The following ASB6 variants were observed in gnomAD, a reference collection of about 807,000 sequenced individuals.
ASB6 encodes ankyrin repeat and SOCS box containing 6, also known as ankyrin repeat and SOCS box protein 6.
ASB6 carries 24 observed loss-of-function variants against 28.6 expected under a neutral mutation model. That is an observed-to-expected ratio of 0.84 (90% CI 0.61 to 1.18). The LOEUF is 1.18. ASB6 is among the 50% of genes most tolerant of loss of function. ASB6 has a pLI of 0.00. For synonymous variants in ASB6, 267 were observed against 243.4 expected, an observed-to-expected ratio of 1.10 and a Z score of -0.90; for missense variants, 519 against 559.8, an observed-to-expected ratio of 0.93 and a Z score of 0.74.
In ASB6 at chr9:129,634,870, T is replaced by C. The variant is rs1831431075; in HGVS notation, c.*2920A>G. On this transcript the variant is annotated 3_prime_UTR_variant, in exon 6 of 6. Coordinates refer to ENST00000277458, the MANE Select transcript of ASB6 (RefSeq NM_017873.4). ...GGAAGGCAGTCTCTCTGGGAGCTCC[T>C]GCAATGCCAAACTCTTAGCCCAGGT... 2 of 318,958 alleles carry C rather than the reference T, an allele frequency of 6.3e-6. No homozygotes were observed. The highest frequency in any genetic ancestry group is 1.2e-5 in the Non-Finnish European group (2 of 169,084). 19.8% of individuals were successfully genotyped at this position (318,958 alleles called of 1,614,324 possible).
Position 129,640,666 on chromosome 9 carries a change from T to C in ASB6, c.170A>G (p.Glu57Gly). Residue 57 changes from glutamate to glycine, a missense_variant, in exon 2 of 6, where the codon GAG becomes GGG. By Grantham distance (98) the Glu-to-Gly change is moderately conservative. Transcript: ENST00000277458. ...SRILVLTELL[E>G]RKAHSPFYQE... ...GTAAAAGGGAGAGTGGGCTTTCCTC[T>C]CCAGCAGCTCAGTGAGAACAAGGAT... is the stretch of plus-strand genomic sequence containing the variant. 6.2e-7 allele frequency: 1 copy of C among 1,614,136 alleles called. No homozygotes were observed. Among genetic ancestry groups the C allele is most frequent in the Non-Finnish European group, 8.5e-7 (1 of 1,180,006 alleles).
At position 129,638,669 on chromosome 9, in the gene ASB6, G is replaced by A; in HGVS notation, c.512-10C>T. On this transcript the variant is annotated splice_polypyrimidine_tract_variant and intron_variant, in intron 4 of 5. Coordinates refer to ENST00000277458, the MANE Select transcript of ASB6 (RefSeq NM_017873.4). The stretch of plus-strand genomic sequence containing the variant: ...AGCAGAGCAGTTTTTCCTAGGGAGG[G>A]AGGGAGAGCAAGGAGGAGCAGGAGG... The A allele has an allele frequency of 6.2e-7, 1 of 1,609,124 alleles. No homozygotes were observed. The highest frequency in any genetic ancestry group is 1.3e-5 in the African/African-American group (1 of 74,266).
intron 2 of ASB6, among the ~76,000 whole-genome samples, chr9:129,640,191 G>GT (rs1172956296): frequency 1.3e-5 from 2 of 152,180 alleles, no homozygotes; most frequent in Admixed American, 6.5e-5. Flanking sequence ...TTGGCTCAGA[G>GT]TAAGTAGCAG....
chr9:129,641,598 G>GT (rs1342991993), intron 1 of ASB6, among the ~76,000 whole-genome samples: 20 of 152,220 alleles, frequency 1.3e-4, no homozygotes, highest in Non-Finnish European at 1.5e-5. Context: ...CTGCCACGCC[G>GT]GGGGGTGGCA....
chr9:129,634,838 A>C lies in ASB6; in HGVS notation c.*2952T>G. 1 of 268,444 alleles carries C rather than the reference A, an allele frequency of 3.7e-6. No homozygotes were observed. Among genetic ancestry groups the C allele is most frequent in the Non-Finnish European group, 7.2e-6 (1 of 138,430 alleles). The allele number at this position is 268,444 out of a possible 1,614,324, so 16.6% of individuals were successfully genotyped here. A position where few individuals can be genotyped will look rare whatever the true frequency, so the allele number is the denominator to read the frequency against. On this transcript the variant is annotated 3_prime_UTR_variant, in exon 6 of 6. Coordinates refer to ENST00000277458, the MANE Select transcript of ASB6 (RefSeq NM_017873.4). The stretch of plus-strand genomic sequence containing the variant: ...CTCAGAAGCCTTTGTGGGGACTTCT[A>C]GTGTAGGGAAGGCAGTCTCTCTGGG...
In ASB6 at chr9:129,634,746, C is replaced by T; in HGVS notation, c.*3044G>A. On this transcript the variant is annotated 3_prime_UTR_variant, in exon 6 of 6. Transcript: ENST00000277458. ...GCGGCAGGCCGCTAGCAGCAGTCGG[C>T]CACCTCCTGAGGCGGGCAGCACAGG... 9.2e-6 allele frequency: 2 copies of T among 218,138 alleles called. No homozygotes were observed. The highest frequency in any genetic ancestry group is 1.8e-5 in the Non-Finnish European group (2 of 109,494). The allele number at this position is 218,138 out of a possible 1,614,324, so 13.5% of individuals were successfully genotyped here. A position where few individuals can be genotyped will look rare whatever the true frequency, so the allele number is the denominator to read the frequency against.
In ASB6 at chr9:129,639,428, C is replaced by G. The variant is rs781128641; in HGVS notation, c.376G>C (p.Gly126Arg). ...CGGTCCCTCCGATTAACGTCGGCCC[C>G]GTGATGCACCAGCAGCTCCACCATG... ...PDMVELLVHH[G>R]ADVNRRDRIH... The change falls in exon 3 of 6, where the codon GGG becomes CGG. Residue 126 changes from glycine (G) to arginine (R), a missense_variant. Gly to Arg is a moderately radical substitution (Grantham distance 125). Coordinates refer to ENST00000277458, the MANE Select transcript of ASB6 (RefSeq NM_017873.4). The G allele has an allele frequency of 6.2e-7, 1 of 1,613,264 alleles. No homozygotes were observed. The highest frequency in any genetic ancestry group is 1.7e-5 in the Admixed American group (1 of 59,960).
At position 129,641,927 on chromosome 9, in the gene ASB6, G is replaced by A. The variant is rs1420208322; in HGVS notation, c.73C>T (p.Leu25=). Residue 25 remains leucine (L), a synonymous_variant, in exon 1 of 6, where the codon CTG becomes TTG. Coordinates refer to ENST00000277458, the MANE Select transcript of ASB6 (RefSeq NM_017873.4). ...QPLVDAILGS[L]GIQDPERQES... ...TGCCGCTCGGGGTCCTGGATCCCCA[G>A]GGAGCCCAGAATCGCATCCACCAGC... 1 of 1,602,486 alleles carries A rather than the reference G, an allele frequency of 6.2e-7. No homozygotes were observed. Among genetic ancestry groups the A allele is most frequent in the Admixed American group, 1.7e-5 (1 of 59,060 alleles).
chr9:129,639,122 G>A lies in ASB6; in HGVS notation c.511+80C>T, dbSNP rs1441860192. The A allele has an allele frequency of 4.3e-6, 6 of 1,394,590 alleles. No homozygotes were observed. The African/African-American group carries it at 7.2e-5, about 17-fold the overall frequency. The allele number at this position is 1,394,590 out of a possible 1,614,324, so 86.4% of individuals were successfully genotyped here. On this transcript the variant is annotated intron_variant, in intron 4 of 5. Coordinates refer to ENST00000277458, the MANE Select transcript of ASB6 (RefSeq NM_017873.4). ...CAGCATCCAGTCTGCCCACCTAGCT[G>A]TTGTCCTGGGGCACCCTGGGTGTCC...
rs769197764 is a variant in ASB6 at position 129,638,399 on chromosome 9, G to A, written c.657C>T (p.Phe219=). 6.2e-7 allele frequency: 1 copy of A among 1,613,830 alleles called. No individual in the cohort carries two copies. Among genetic ancestry groups the A allele is most frequent in the South Asian group, 1.1e-5 (1 of 91,088 alleles). Residue 219 remains phenylalanine, a synonymous_variant, in exon 6 of 6, where the codon TTC becomes TTT. Coordinates refer to ENST00000277458, the MANE Select transcript of ASB6 (RefSeq NM_017873.4). ...DGDTVFTCII[F]LLGETVGGDK... ...CCCCTCCCACGGTCTCACCAAGCAG[G>A]AAGATGATGCAGGTGAACACTGTGT...
At position 129,639,185 on chromosome 9, in the gene ASB6, CT is replaced by C. The variant is rs1252152052; in HGVS notation, c.511+16del. On this transcript the variant is annotated intron_variant, in intron 4 of 5. Transcript: ENST00000277458. Reference sequence around the variant, plus strand: ...CTGGGGGCCCAGCTGTCCTGCTTTCCTGCAGGAGGCACCCACCATGCTTGTC... The same window carrying C: ...CTGGGGGCCCAGCTGTCCTGCTTTCCGCAGGAGGCACCCACCATGCTTGTC... The C allele has an allele frequency of 6.3e-7, 1 of 1,590,576 alleles. No homozygotes were observed. The highest frequency in any genetic ancestry group is 1.1e-5 in the South Asian group (1 of 88,820).
Position 129,635,312 on chromosome 9 carries a change from G to A in ASB6, c.*2478C>T, listed in dbSNP as rs762218975. The A allele has an allele frequency of 6.2e-6, 10 of 1,613,740 alleles. No individual in the cohort carries two copies. The highest frequency in any genetic ancestry group is 5.0e-5 in the Admixed American group (3 of 60,014). ...CAAAGACAACATGGCCCAGGAGGGC[G>A]TGATTCTGGACGACGTGGACAGCAG... On this transcript the variant is annotated 3_prime_UTR_variant, in exon 6 of 6. Coordinates refer to ENST00000277458, the MANE Select transcript of ASB6 (RefSeq NM_017873.4).
rs151072869 is a variant in ASB6, at chr9:129,635,425, C to T, written c.*2365G>A. 328 of 1,613,386 alleles carry T rather than the reference C, an allele frequency of 2.0e-4. 1 individual carries two copies. The South Asian group carries it at 3.4e-3, about 17-fold the overall frequency. ...CCGAGGAGAGGCAGGAGAACCTCCC[C>T]GATGAGATCTACCATGTCTATAGCT... On this transcript the variant is annotated 3_prime_UTR_variant, in exon 6 of 6. Transcript: ENST00000277458.
rs377623356 is a variant in ASB6, at chr9:129,639,160, C to T, written c.511+42G>A. ...ACCCTGGGTGTCCCCCACAAGGTGC[C>T]TGGGGGCCCAGCTGTCCTGCTTTCC... is the stretch of plus-strand genomic sequence containing the variant. On this transcript the variant is annotated intron_variant, in intron 4 of 5. Transcript: ENST00000277458. 634 of 1,554,328 alleles carry T rather than the reference C, an allele frequency of 4.1e-4. 1 individual carries two copies. Among genetic ancestry groups the T allele is most frequent in the Non-Finnish European group, 5.2e-4 (593 of 1,145,464 alleles).
At position 129,638,657 on chromosome 9, in the gene ASB6, T is replaced by C; in HGVS notation, c.514A>G (p.Lys172Glu). 1 of 1,611,882 alleles carries C rather than the reference T, an allele frequency of 6.2e-7. No individual in the cohort carries two copies. Among genetic ancestry groups the C allele is most frequent in the Non-Finnish European group, 8.5e-7 (1 of 1,179,204 alleles). ...ADVNAADKHG[K>E]TALLHALASS... is the part of the protein sequence containing the mutation. ...GCCAGAGCATGGAGCAGAGCAGTTT[T>C]TCCTAGGGAGGGAGGGAGAGCAAGG... The change falls in exon 5 of 6, where the codon AAA becomes GAA. Residue 172 changes from lysine (K) to glutamate (E), a missense_variant and splice_region_variant. By Grantham distance (56) the Lys-to-Glu change is moderately conservative (BLOSUM62 1). Coordinates refer to ENST00000277458, the MANE Select transcript of ASB6 (RefSeq NM_017873.4).
chr9:129,638,483 G>A, intron 5 of ASB6, 26 bp from the exon 6 acceptor site: 1 of 1,608,040 alleles, frequency 6.2e-7, no homozygotes, highest in African/African-American at 1.3e-5. Context: ...AACAAGAGAT[G>A]CTGGGAGAAG....
intron 2 of ASB6, among the ~76,000 whole-genome samples, chr9:129,639,981 C>A (rs1439908248): frequency 6.6e-6 from 1 of 152,194 alleles, no homozygotes; most frequent in Non-Finnish European, 1.5e-5. Context: ...CTGTCTCAGG[C>A]CCCTATTAGG....
intron 4 of ASB6, 114 bp downstream of exon 4, chr9:129,639,088 A>C: frequency 9.4e-7 from 1 of 1,062,500 alleles, no homozygotes; most frequent in Non-Finnish European, 1.4e-6. Flanking sequence ...CTGTGCCACC[A>C]GCCAGGGCCA....
Position 129,639,526 on chromosome 9 carries a change from G to C in ASB6, c.296-18C>G, listed in dbSNP as rs768877198. On this transcript the variant is annotated intron_variant, in intron 2 of 5. Transcript: ENST00000277458. ...GACTGGGTCTGAAGGTGCAGACACAGCTCATGTGGGTCCTATCTGTCCGCA... is the reference window on the plus strand; with the variant it reads ...GACTGGGTCTGAAGGTGCAGACACACCTCATGTGGGTCCTATCTGTCCGCA... 4 of 1,601,906 alleles carry C rather than the reference G, an allele frequency of 2.5e-6. No individual in the cohort carries two copies. Among genetic ancestry groups the C allele is most frequent in the Non-Finnish European group, 3.4e-6 (4 of 1,171,346 alleles).
Sources: gnomAD v4.1 joint callset for allele counts (sites outside exome capture counted in the v4.1 genomes callset) on GRCh38, gnomAD v4.1.1 for gene constraint, MANE v1.5 for transcripts, NCBI Gene and HGNC (gene_info 2026-07-23, HGNC 2026-07-21) for gene names.